ATXN7: variants seen among roughly 807,000 people sequenced by gnomAD.
ATXN7 encodes ataxin-7.
Under a neutral mutation model 70.5 loss-of-function variants are expected in ATXN7, and 12 were observed. The ratio of observed to expected loss-of-function variants is 0.17; its 90% CI spans 0.11 to 0.28. The LOEUF is 0.28. ATXN7 is among the 10% of genes least tolerant of loss of function. The pLI is 1.00. For missense variants in ATXN7, 1,256 were observed against 1,131.7 expected, an observed-to-expected ratio of 1.11 and a Z score of -1.58; for synonymous variants, 498 against 448.7, an observed-to-expected ratio of 1.11 and a Z score of -1.39.
At position 63,939,304 on chromosome 3, in the gene ATXN7, C is replaced by T. The variant is rs557318045; in HGVS notation, c.395-13075C>T. 4.4e-4 allele frequency among the ~76,000 whole-genome samples: 67 copies of T among 152,214 alleles called. 1 individual carries two copies. The South Asian group carries it at 0.014, about 32-fold the overall frequency. On this transcript the variant is annotated intron_variant, in intron 4 of 12. Coordinates refer to ENST00000674280, the MANE Select transcript of ATXN7 (RefSeq NM_001377405.1). Reference sequence around the variant, plus strand: ...TATTACAAAGTCATGTCAACAGTTCCTTCTAAATGTCTTGGAATCCTTTCT... The same window carrying T: ...TATTACAAAGTCATGTCAACAGTTCTTTCTAAATGTCTTGGAATCCTTTCT...
Position 63,967,550 on chromosome 3 carries a change from G to A in ATXN7, c.500-12365G>A, listed in dbSNP as rs572920596. On this transcript the variant is annotated intron_variant, in intron 5 of 12. Coordinates refer to ENST00000674280, the MANE Select transcript of ATXN7 (RefSeq NM_001377405.1). ...TCATGTAAGTTTTGTAATATACCTG[G>A]TAGTAGCTTTGTCAGTTTAAAGGTA... 4.9e-3 allele frequency among the ~76,000 whole-genome samples: 750 copies of A among 152,078 alleles called. 3 individuals carry two copies. Among genetic ancestry groups the A allele is most frequent in the Non-Finnish European group, 8.4e-3 (572 of 68,010 alleles).
chr3:63,907,777 C>G (rs1179410367), intron 2 of ATXN7, among the ~76,000 whole-genome samples: 4 of 152,058 alleles, frequency 2.6e-5, no homozygotes, highest in African/African-American at 9.7e-5. Context: ...TTGAAACTTT[C>G]TATTTGTAAA....
In ATXN7 at chr3:63,976,188, G is replaced by A. The variant is rs147002898; in HGVS notation, c.500-3727G>A. 4.8e-3 allele frequency among the ~76,000 whole-genome samples: 729 copies of A among 152,288 alleles called. 6 individuals are homozygous for A. Among genetic ancestry groups the A allele is most frequent in the Non-Finnish European group, 4.3e-3 (295 of 68,026 alleles). On this transcript the variant is annotated intron_variant, in intron 5 of 12. Coordinates refer to ENST00000674280, the MANE Select transcript of ATXN7 (RefSeq NM_001377405.1). ...ATCTGGGAGCAAACACTTTTTTAGA[G>A]CTAGATGCCCAGTTTAAAATCCTGT...
chr3:63,945,296 T>G (rs1006350231), intron 4 of ATXN7, among the ~76,000 whole-genome samples: 1 of 152,244 alleles, frequency 6.6e-6, no homozygotes, highest in Non-Finnish European at 1.5e-5. Flanking sequence ...AGTAGACGTT[T>G]GAATACAAGT....
chr3:63,959,592 A>G (rs2075091797), intron 5 of ATXN7, among the ~76,000 whole-genome samples: 1 of 152,212 alleles, frequency 6.6e-6, no homozygotes, highest in South Asian at 2.1e-4. Context: ...TCTCTGCTAC[A>G]AGTGAAAAAA....
chr3:63,980,286 A>T (rs562250140), intron 6 of ATXN7, 119 bp downstream of exon 6: 1 of 1,347,578 alleles, frequency 7.4e-7, no homozygotes, highest in Admixed American at 2.2e-5. Flanking sequence ...GGAAGAATTC[A>T]AATGTATGTT....
chr3:63,952,620 G>T, intron 5 of ATXN7, 137 bp downstream of exon 5: 1 of 474,796 alleles, frequency 2.1e-6, no homozygotes, highest in Non-Finnish European at 3.7e-6. Flanking sequence ...TTCACTCAGT[G>T]GGTTAATAAC....
At chr3:63,958,037 T>C (rs1036008465) in intron 5 of ATXN7, among the ~76,000 whole-genome samples, 3 of 152,246 alleles carry the variant, frequency 2.0e-5, no homozygotes, top group Admixed American at 2.0e-4. Flanking sequence ...TTGGTGAGGC[T>C]TCAGTGTAAA....
chr3:63,965,433 G>A (rs1575961265), intron 5 of ATXN7, among the ~76,000 whole-genome samples: 1 of 152,146 alleles, frequency 6.6e-6, no homozygotes, highest in Non-Finnish European at 1.5e-5. Flanking sequence ...CCTGTTTGCT[G>A]CGAATAGGCT....
intron 5 of ATXN7, among the ~76,000 whole-genome samples, chr3:63,970,050 C>T (rs1259834963): frequency 6.6e-6 from 1 of 152,160 alleles, no homozygotes; most frequent in Non-Finnish European, 1.5e-5. Flanking sequence ...TTGGGTAACA[C>T]CGTGCTCTCT....
At position 63,990,479 on chromosome 3, in the gene ATXN7, C is replaced by G. The variant is rs144217683; in HGVS notation, c.1560+105C>G. 4 of 1,404,402 alleles carry G rather than the reference C, an allele frequency of 2.8e-6. No homozygotes were observed. In the African/African-American group the frequency reaches 5.7e-5, roughly 20 times the overall value. The allele number at this position is 1,404,402 out of a possible 1,614,324, so 87.0% of individuals were successfully genotyped here. A position where few individuals can be genotyped will look rare whatever the true frequency, so the allele number is the denominator to read the frequency against. ...TTGGCATGCCCGTATGTGTGGGACG[C>G]GGTCAAGGTGTGAGAGAAGTTCAAA... On this transcript the variant is annotated intron_variant, in intron 10 of 12. Transcript: ENST00000674280.
In ATXN7 at chr3:63,912,832, C is replaced by T. The variant is rs1575883700; in HGVS notation, c.234C>T (p.Val78=). 2 of 1,594,638 alleles carry T rather than the reference C, an allele frequency of 1.3e-6. No individual in the cohort carries two copies. Among genetic ancestry groups the T allele is most frequent in the South Asian group, 1.1e-5 (1 of 90,128 alleles). The change falls in exon 3 of 13, where the codon GTC becomes GTT. Residue 78 remains valine, a synonymous_variant. Transcript: ENST00000674280. ...ASTSAAAMAT[V]GERRPLPSPE... ...CCTCGGCCGCCGCAATGGCGACGGT[C>T]GGGGAGCGCAGGCCTCTGCCCAGTC...
At chr3:63,996,927 G>A (rs963312625) in intron 12 of ATXN7, among the ~76,000 whole-genome samples, 11 of 152,294 alleles carry the variant, frequency 7.2e-5, no homozygotes, top group African/African-American at 1.7e-4. Flanking sequence ...GGAAAGCTGC[G>A]CTAAAATCAA....
chr3:63,915,686 ATTT>A (rs10712088), intron 4 of ATXN7, among the ~76,000 whole-genome samples: 1 of 142,806 alleles, frequency 7.0e-6, no homozygotes, highest in Non-Finnish European at 1.5e-5. Flanking sequence ...CCCTTTATTT[ATTT>A]TTTTTTTTTT....
chr3:63,926,293 T>C (rs923914902), intron 4 of ATXN7, among the ~76,000 whole-genome samples: 3 of 152,164 alleles, frequency 2.0e-5, no homozygotes, highest in African/African-American at 7.2e-5. Flanking sequence ...AAGAAAAGTA[T>C]ATGGCAGGTG....
intron 1 of ATXN7, among the ~76,000 whole-genome samples, chr3:63,877,035 A>G (rs1702764959): frequency 6.6e-6 from 1 of 152,214 alleles, no homozygotes; most frequent in Non-Finnish European, 1.5e-5. Flanking sequence ...TCAATTTAGC[A>G]TTCTTGTTTT....
intron 1 of ATXN7, among the ~76,000 whole-genome samples, chr3:63,891,409 C>G (rs762547846): frequency 1.3e-5 from 2 of 151,974 alleles, no homozygotes; most frequent in Admixed American, 1.3e-4. Context: ...GCCTTGAACT[C>G]CTGGGCTCAA....
Position 63,956,655 on chromosome 3 carries a change from T to C in ATXN7, c.499+4172T>C, listed in dbSNP as rs1443657566. On this transcript the variant is annotated intron_variant, in intron 5 of 12. Coordinates refer to ENST00000674280, the MANE Select transcript of ATXN7 (RefSeq NM_001377405.1). ...GCTCCCTGGGCTGATTCTGACACAC[T>C]GGCTGGCTGGAATGCATTGCTTTCA... Among the ~76,000 whole-genome samples, 4 of 152,042 alleles carry C rather than the reference T, an allele frequency of 2.6e-5. No homozygotes were observed. The East Asian group carries it at 7.7e-4, about 29-fold the overall frequency.
intron 10 of ATXN7, 74 bp from the exon 11 acceptor site, chr3:63,990,664 T>C (rs1182580382): frequency 1.2e-6 from 2 of 1,606,718 alleles, no homozygotes; most frequent in Non-Finnish European, 1.7e-6. Flanking sequence ...GCTCCTTTCC[T>C]GAAGGATCTA....
Sources: allele counts gnomAD v4.1 joint callset (sites outside exome capture counted in the v4.1 genomes callset), GRCh38; gene constraint gnomAD v4.1.1; transcripts MANE v1.5; gene names NCBI Gene and HGNC (gene_info 2026-07-23, HGNC 2026-07-21).